NOL4: variants seen among roughly 807,000 people sequenced by gnomAD.
NOL4 encodes nucleolar protein 4, also known as cancer/testis antigen 125.
In NOL4, 17 loss-of-function variants were observed where a neutral mutation model predicts 75.9. The observed-to-expected ratio is 0.22, with a 90% confidence interval of 0.15 to 0.34. NOL4 has a LOEUF of 0.34. NOL4 is among the 10% of genes least tolerant of loss of function. NOL4 has a pLI of 1.00. For missense variants in NOL4, 614 were observed against 793.5 expected (o/e 0.77, Z 2.72); for synonymous variants, 292 against 289.9 (o/e 1.01, Z -0.07).
intron 9 of NOL4, among the ~76,000 whole-genome samples, chr18:33,887,479 G>T (rs1214650741): frequency 2.0e-5 from 3 of 150,030 alleles, no homozygotes; most frequent in Non-Finnish European, 4.4e-5. Context: ...GTGCAGGTTT[G>T]TTCCATAGGA....
At chr18:34,151,855 C>A (rs1302897683) in intron 1 of NOL4, among the ~76,000 whole-genome samples, 1 of 151,672 alleles carries the variant, frequency 6.6e-6, no homozygotes, top group African/African-American at 2.4e-5. Context: ...AACCTGAAGT[C>A]TATTTAAAAT....
At chr18:33,976,758 T>G (rs988913075) in intron 6 of NOL4, among the ~76,000 whole-genome samples, 2 of 152,170 alleles carry the variant, frequency 1.3e-5, no homozygotes, top group Non-Finnish European at 2.9e-5. Context: ...GAGGTGAGCC[T>G]TGAAGGTGAT....
At chr18:34,113,014 T>C (rs1167844854) in intron 2 of NOL4, among the ~76,000 whole-genome samples, 2 of 152,210 alleles carry the variant, frequency 1.3e-5, no homozygotes, top group Non-Finnish European at 2.9e-5. Context: ...GGTCTCTTTC[T>C]ATTGCCCAGG....
At chr18:34,150,700 T>C (rs148169303) in intron 1 of NOL4, among the ~76,000 whole-genome samples, 3 of 151,800 alleles carry the variant, frequency 2.0e-5, no homozygotes, top group Non-Finnish European at 4.4e-5. Flanking sequence ...ACTTTTTAGA[T>C]ACAACACCAA....
intron 5 of NOL4, among the ~76,000 whole-genome samples, chr18:34,056,736 T>C (rs999954847): frequency 1.3e-5 from 2 of 152,172 alleles, no homozygotes; most frequent in Admixed American, 6.5e-5. Context: ...CTCTGAACTT[T>C]ACTAGGATCT....
At chr18:34,131,869 C>T (rs1273341472) in intron 1 of NOL4, among the ~76,000 whole-genome samples, 2 of 152,152 alleles carry the variant, frequency 1.3e-5, no homozygotes, top group Admixed American at 1.3e-4. Flanking sequence ...GTGAAGCTTA[C>T]AGTTTAATGC....
chr18:33,946,106 T>A (rs1297018952), intron 8 of NOL4, among the ~76,000 whole-genome samples: 1 of 151,742 alleles, frequency 6.6e-6, no homozygotes, highest in Non-Finnish European at 1.5e-5. Flanking sequence ...GACATGTACA[T>A]GAATGTGTTA....
intron 2 of NOL4, among the ~76,000 whole-genome samples, chr18:34,107,459 C>T (rs989922856): frequency 1.3e-5 from 2 of 151,862 alleles, no homozygotes; most frequent in African/African-American, 4.8e-5. Flanking sequence ...GATAAAAGCG[C>T]TTATTTGGGA....
chr18:34,033,379 A>C (rs1401624059), intron 5 of NOL4, among the ~76,000 whole-genome samples: 6 of 152,116 alleles, frequency 3.9e-5, no homozygotes, highest in Non-Finnish European at 8.8e-5. Context: ...GAGTTTTAGA[A>C]CTGAATAATT....
At chr18:34,019,647 T>A (rs2074924451) in intron 5 of NOL4, 46 bp from the exon 6 acceptor site, 2 of 1,543,648 alleles carry the variant, frequency 1.3e-6, no homozygotes, top group Admixed American at 1.8e-5. Flanking sequence ...TAATATGCTA[T>A]TCAGAGTCTA....
chr18:34,049,682 T>C (rs2076545928), intron 5 of NOL4, among the ~76,000 whole-genome samples: 1 of 152,052 alleles, frequency 6.6e-6, no homozygotes, highest in Non-Finnish European at 1.5e-5. Context: ...TCTCAACCTT[T>C]TATGTTAGGA....
intron 9 of NOL4, among the ~76,000 whole-genome samples, chr18:33,931,184 A>T (rs1184100717): frequency 6.6e-6 from 1 of 152,194 alleles, no homozygotes; most frequent in Non-Finnish European, 1.5e-5. Flanking sequence ...TAACAGAGGC[A>T]TAAGGATTCA....
At chr18:33,944,837 C>T (rs888182716) in intron 8 of NOL4, among the ~76,000 whole-genome samples, 5 of 151,830 alleles carry the variant, frequency 3.3e-5, no homozygotes, top group Admixed American at 2.0e-4. Flanking sequence ...TCATTCTCTA[C>T]TTCACTAAGT....
chr18:33,986,242 C>T (rs2072442411), intron 6 of NOL4, among the ~76,000 whole-genome samples: 1 of 151,956 alleles, frequency 6.6e-6, no homozygotes, highest in Admixed American at 6.6e-5. Flanking sequence ...GGTTTGAAAT[C>T]CAGTATTGAT....
At chr18:34,062,751 A>G (rs2077117421) in intron 5 of NOL4, among the ~76,000 whole-genome samples, 1 of 152,144 alleles carries the variant, frequency 6.6e-6, no homozygotes, top group Admixed American at 6.5e-5. Context: ...GTCTATAGCT[A>G]TTGTCATAGA....
At chr18:33,948,478 T>C (rs1040292292) in intron 8 of NOL4, among the ~76,000 whole-genome samples, 1 of 151,976 alleles carries the variant, frequency 6.6e-6, no homozygotes, top group East Asian at 1.9e-4. Flanking sequence ...TTCATTCTTA[T>C]ACAGCAGTGG....
Position 33,958,389 on chromosome 18 carries a change from G to A in NOL4, c.1086C>T (p.Asp362=). ...GGTCTACACTCTCATTTTTGCCAGAGTCATAGCTGGAGTAACTATGTGCAG... is the reference window on the plus strand; with the variant it reads ...GGTCTACACTCTCATTTTTGCCAGAATCATAGCTGGAGTAACTATGTGCAG... ...KSPAHSYSSY[D]SGKNESVDRG... Residue 362 remains aspartate, a synonymous_variant, in exon 7 of 11, where the codon GAC becomes GAT. Transcript: ENST00000261592. 6.2e-7 allele frequency: 1 copy of A among 1,613,218 alleles called. No homozygotes were observed. Among genetic ancestry groups the A allele is most frequent in the Non-Finnish European group, 8.5e-7 (1 of 1,179,404 alleles).
At chr18:34,022,101 T>G (rs1286867010) in intron 5 of NOL4, among the ~76,000 whole-genome samples, 1 of 144,384 alleles carries the variant, frequency 6.9e-6, no homozygotes, top group African/African-American at 2.6e-5. Context: ...CGAAACTGCA[T>G]CTCAAAAAAA....
chr18:33,871,487 C>T (rs2063698449), intron 10 of NOL4, among the ~76,000 whole-genome samples: 1 of 151,920 alleles, frequency 6.6e-6, no homozygotes. Context: ...GCTGGTGAGA[C>T]CAGTGATATT....
Sources: gnomAD v4.1 joint callset for allele counts (sites outside exome capture counted in the v4.1 genomes callset) on GRCh38, gnomAD v4.1.1 for gene constraint, MANE v1.5 for transcripts, NCBI Gene and HGNC (gene_info 2026-07-23, HGNC 2026-07-21) for gene names.